ITPR2: variants seen among roughly 807,000 people sequenced by gnomAD.
The protein encoded by ITPR2 is inositol 1,4,5-trisphosphate-gated calcium channel ITPR2.
ITPR2 carries 207 observed loss-of-function variants against 317.1 expected under a neutral mutation model. That is an observed-to-expected ratio of 0.65 (90% confidence interval 0.58 to 0.73). The LOEUF (loss-of-function observed/expected upper bound fraction) is 0.73, where lower values mean the gene tolerates loss of function less well. Ranked by LOEUF, ITPR2 falls within the 30% of genes least tolerant of loss-of-function variation. ITPR2 has a pLI of 0.00. For missense variants in ITPR2, 2,613 were observed against 3,284.0 expected, an observed-to-expected ratio of 0.80 and a Z score of 4.99; for synonymous variants, 1,156 against 1,149.1, an observed-to-expected ratio of 1.01 and a Z score of -0.12.
chr12:26,772,391 T>TTA (rs1343862233), intron 2 of ITPR2, among the ~76,000 whole-genome samples: 5 of 132,146 alleles, frequency 3.8e-5, no homozygotes, highest in South Asian at 4.5e-4. Context: ...TTGTGTTATA[T>TTA]TATATATATA....
intron 2 of ITPR2, among the ~76,000 whole-genome samples, chr12:26,729,538 G>C (rs1948992150): frequency 6.6e-6 from 1 of 151,998 alleles, no homozygotes; most frequent in Non-Finnish European, 1.5e-5. Context: ...CAATAGCAAA[G>C]ACATGGAATC....
intron 21 of ITPR2, among the ~76,000 whole-genome samples, chr12:26,641,364 G>A (rs777486829): frequency 9.9e-5 from 15 of 151,872 alleles, no homozygotes; most frequent in Non-Finnish European, 2.1e-4. Flanking sequence ...GTAGAAAAGA[G>A]TCTTTGCACA....
intron 54 of ITPR2, among the ~76,000 whole-genome samples, chr12:26,396,659 G>C (rs1319624682): frequency 6.6e-6 from 1 of 152,098 alleles, no homozygotes; most frequent in Non-Finnish European, 1.5e-5. Flanking sequence ...ATCACACATA[G>C]GCTGAGGATT....
chr12:26,644,520 A>G (rs930211491), intron 21 of ITPR2, among the ~76,000 whole-genome samples: 6 of 152,208 alleles, frequency 3.9e-5, no homozygotes, highest in African/African-American at 1.4e-4. Context: ...TTGACTCACA[A>G]TTCCACATGG....
intron 37 of ITPR2, among the ~76,000 whole-genome samples, chr12:26,538,998 T>G (rs1591874107): frequency 6.6e-6 from 1 of 152,180 alleles, no homozygotes; most frequent in East Asian, 1.9e-4. Context: ...ACAGACACAT[T>G]GTTACCTTGC....
At chr12:26,369,619 T>C (rs1202992328) in intron 55 of ITPR2, among the ~76,000 whole-genome samples, 1 of 152,238 alleles carries the variant, frequency 6.6e-6, no homozygotes, top group Non-Finnish European at 1.5e-5. Context: ...ACCTGATGTA[T>C]AATAAAGACT....
chr12:26,768,571 TAAAAAAA>T (rs879291062), intron 2 of ITPR2, among the ~76,000 whole-genome samples: 4 of 96,188 alleles, frequency 4.2e-5, no homozygotes, highest in Admixed American at 1.2e-4. Flanking sequence ...CAAATATATA[TAAAAAAA>T]AAAAAAAAAA....
chr12:26,500,306 A>G (rs942412269), intron 37 of ITPR2, among the ~76,000 whole-genome samples: 1 of 152,246 alleles, frequency 6.6e-6, no homozygotes, highest in African/African-American at 2.4e-5. Flanking sequence ...TCTCAGAGCT[A>G]TAATTGCCAT....
At chr12:26,760,975 A>T (rs1470641) in intron 2 of ITPR2, among the ~76,000 whole-genome samples, 9,288 of 151,638 alleles carry the variant, frequency 0.061, 664 homozygotes, top group African/African-American at 0.18. Context: ...CTTCAGGAAC[A>T]CCCCTGTGGA....
chr12:26,372,899 C>T (rs550462964), intron 55 of ITPR2, among the ~76,000 whole-genome samples: 2 of 152,318 alleles, frequency 1.3e-5, no homozygotes, highest in Non-Finnish European at 2.9e-5. Flanking sequence ...CCCACTGCCC[C>T]CCGACCCCAG....
At chr12:26,622,767 T>C (rs999283950) in intron 24 of ITPR2, among the ~76,000 whole-genome samples, 2 of 152,118 alleles carry the variant, frequency 1.3e-5, no homozygotes, top group African/African-American at 4.8e-5. Context: ...CGATGACTGA[T>C]TTCCCCTGGG....
intron 21 of ITPR2, among the ~76,000 whole-genome samples, chr12:26,652,789 T>C (rs1023378154): frequency 1.3e-5 from 2 of 152,244 alleles, no homozygotes; most frequent in East Asian, 3.8e-4. Context: ...CATAACTGCA[T>C]TGCAGATGAG....
intron 21 of ITPR2, among the ~76,000 whole-genome samples, chr12:26,650,679 G>A (rs1049852047): frequency 6.6e-6 from 1 of 152,206 alleles, no homozygotes; most frequent in Admixed American, 6.5e-5. Flanking sequence ...GAGATCAAAA[G>A]TCAGGATCAA....
chr12:26,413,387 T>C (rs1940613985), intron 51 of ITPR2, among the ~76,000 whole-genome samples: 1 of 152,210 alleles, frequency 6.6e-6, no homozygotes, highest in South Asian at 2.1e-4. Context: ...GTTGCATATT[T>C]CTCTGCACTC....
chr12:26,565,369 C>CTTTAT (rs1944922738), intron 34 of ITPR2, among the ~76,000 whole-genome samples: 2 of 151,776 alleles, frequency 1.3e-5, no homozygotes, highest in African/African-American at 4.8e-5. Flanking sequence ...ATGGTTATAG[C>CTTTAT]AGAACTATAA....
At chr12:26,543,672 G>A (rs1944319520) in intron 37 of ITPR2, among the ~76,000 whole-genome samples, 1 of 152,074 alleles carries the variant, frequency 6.6e-6, no homozygotes, top group Non-Finnish European at 1.5e-5. Flanking sequence ...GGAAGGCTGA[G>A]GCAGGAGAAT....
intron 52 of ITPR2, among the ~76,000 whole-genome samples, chr12:26,406,919 T>C (rs960550464): frequency 1.3e-5 from 2 of 152,128 alleles, no homozygotes; most frequent in Non-Finnish European, 2.9e-5. Context: ...AATACAGGCA[T>C]TCCTGTATTT....
intron 22 of ITPR2, among the ~76,000 whole-genome samples, chr12:26,628,463 G>A (rs770937929): frequency 6.6e-6 from 1 of 152,210 alleles, no homozygotes; most frequent in Admixed American, 6.5e-5. Context: ...TAATGATGAC[G>A]TCATTTTACT....
In ITPR2 at chr12:26,561,792, C is replaced by T. The variant is rs769271813; in HGVS notation, c.4791G>A (p.Trp1597Ter). The T allele has an allele frequency of 6.3e-7, 1 of 1,581,730 alleles. No homozygotes were observed. Among genetic ancestry groups the T allele is most frequent in the South Asian group, 1.2e-5 (1 of 82,656 alleles). Residue 1597 changes from tryptophan to a stop codon, truncating the protein, a stop_gained, in exon 35 of 57, where the codon TGG (tryptophan) becomes TGA (stop). Transcript: ENST00000381340. LOFTEE classifies it high-confidence loss of function. ...ACTTTTCAATAATATTTCTGTAATCCCAAGCAGGCCCTCCAAGAGCTTCCT... is the reference window on the plus strand; with the variant it reads ...ACTTTTCAATAATATTTCTGTAATCTCAAGCAGGCCCTCCAAGAGCTTCCT... ...RFKEALGGPA[W>*]DYRNIIEKLQ...
Sources: allele counts gnomAD v4.1 joint callset (sites outside exome capture counted in the v4.1 genomes callset), GRCh38; gene constraint gnomAD v4.1.1; transcripts MANE v1.5; gene names NCBI Gene and HGNC (gene_info 2026-07-23, HGNC 2026-07-21).